The following GALNT13 variants were observed in gnomAD, a reference collection of about 807,000 sequenced individuals.
GALNT13 encodes UDP-GalNAc:polypeptide N-acetylgalactosaminyltransferase 13.
A neutral mutation model predicts 64.2 loss-of-function variants in GALNT13; 28 were observed. That is an observed-to-expected ratio of 0.44 (90% CI 0.32 to 0.60). The LOEUF is 0.60. Ranked by LOEUF, GALNT13 falls within the 20% of genes least tolerant of loss-of-function variation. The pLI is 0.05. For missense variants in GALNT13, 577 were observed against 669.8 expected, an observed-to-expected ratio of 0.86 and a Z score of 1.53; for synonymous variants, 214 against 224.6, an observed-to-expected ratio of 0.95 and a Z score of 0.42.
the GALNT13 span, among the ~76,000 whole-genome samples, chr2:153,356,789 C>CTTTTTTTTTTTTTTT: frequency 1.9e-5 from 2 of 104,904 alleles, 1 homozygote; most frequent in Non-Finnish European, 3.7e-5. Context: ...TCTTCTTCCT[C>CTTTTTTTTTTTTTTT]TTTTTTTTTT....
intron 4 of GALNT13, among the ~76,000 whole-genome samples, chr2:154,194,591 C>T (rs897123096): frequency 7.2e-5 from 11 of 152,096 alleles, no homozygotes; most frequent in African/African-American, 2.7e-4. Flanking sequence ...CCAGTATTTC[C>T]ACTGCCCCTT....
chr2:153,913,707 G>T (rs1425608996), intron 2 of GALNT13, among the ~76,000 whole-genome samples: 1 of 152,168 alleles, frequency 6.6e-6, no homozygotes, highest in African/African-American at 2.4e-5. Context: ...TTCTGCAGGA[G>T]TTCTTCGGGG....
the GALNT13 span, among the ~76,000 whole-genome samples, chr2:153,126,317 TA>T: frequency 1.6e-3 from 180 of 109,732 alleles, 3 homozygotes; most frequent in Middle Eastern, 0.012. Flanking sequence ...TATATATATA[TA>T]TATATATATA....
the GALNT13 span, among the ~76,000 whole-genome samples, chr2:153,485,233 G>A: frequency 6.6e-5 from 10 of 151,950 alleles, no homozygotes; most frequent in East Asian, 3.9e-4. Flanking sequence ...TAACCTTTTC[G>A]TAAGACATAT....
chr2:153,743,327 T>C, the GALNT13 span, among the ~76,000 whole-genome samples: 1 of 152,118 alleles, frequency 6.6e-6, no homozygotes, highest in East Asian at 1.9e-4. Flanking sequence ...TTTGATAACT[T>C]GGTTGTTGTG....
the GALNT13 span, among the ~76,000 whole-genome samples, chr2:153,433,783 A>T: frequency 6.6e-6 from 1 of 152,126 alleles, no homozygotes; most frequent in African/African-American, 2.4e-5. Context: ...ATATTTGAAA[A>T]AATTAGAAAT....
At chr2:153,194,884 C>G in the GALNT13 span, among the ~76,000 whole-genome samples, 1 of 152,170 alleles carries the variant, frequency 6.6e-6, no homozygotes, top group African/African-American at 2.4e-5. Context: ...GTGGCTTTAG[C>G]TGCACTTGTT....
chr2:154,434,529 G>A (rs1359562173), intron 11 of GALNT13, among the ~76,000 whole-genome samples: 3 of 152,128 alleles, frequency 2.0e-5, no homozygotes, highest in African/African-American at 7.2e-5. Flanking sequence ...AAACTGCTGG[G>A]ATTAAGGCAT....
At chr2:154,036,283 G>A (rs137874898) in intron 3 of GALNT13, among the ~76,000 whole-genome samples, 1 of 152,128 alleles carries the variant, frequency 6.6e-6, no homozygotes, top group Admixed American at 6.6e-5. Context: ...TGGCAACATT[G>A]ATCCCATGAT....
At chr2:154,233,107 G>C (rs908943854) in intron 4 of GALNT13, among the ~76,000 whole-genome samples, 2 of 151,286 alleles carry the variant, frequency 1.3e-5, no homozygotes, top group Non-Finnish European at 2.9e-5. Context: ...ATATTGTAAG[G>C]ATTATCTTTT....
chr2:153,292,988 C>T, the GALNT13 span, among the ~76,000 whole-genome samples: 1 of 152,054 alleles, frequency 6.6e-6, no homozygotes, highest in African/African-American at 2.4e-5. Flanking sequence ...CACTGTATAT[C>T]TTTTTTGTTA....
chr2:154,193,172 T>C (rs1686691385), intron 4 of GALNT13, among the ~76,000 whole-genome samples: 1 of 152,214 alleles, frequency 6.6e-6, no homozygotes, highest in African/African-American at 2.4e-5. Context: ...TTCTGAACAA[T>C]TACAACAAAT....
At chr2:153,444,357 G>A in the GALNT13 span, among the ~76,000 whole-genome samples, 1 of 152,186 alleles carries the variant, frequency 6.6e-6, no homozygotes, top group Non-Finnish European at 1.5e-5. Context: ...TTTTTTGAGT[G>A]AGTGAATGAA....
chr2:154,184,891 A>G (rs551923919), intron 4 of GALNT13, among the ~76,000 whole-genome samples: 1 of 152,142 alleles, frequency 6.6e-6, no homozygotes, highest in South Asian at 2.1e-4. Context: ...AGTGATTTAT[A>G]TACCACCATT....
the GALNT13 span, among the ~76,000 whole-genome samples, chr2:153,301,905 G>C: frequency 6.6e-6 from 1 of 151,598 alleles, no homozygotes. Flanking sequence ...GTGTGTGTGT[G>C]TGTGTGTATA....
At chr2:154,336,997 A>G (rs1286047418) in intron 9 of GALNT13, among the ~76,000 whole-genome samples, 3 of 152,048 alleles carry the variant, frequency 2.0e-5, no homozygotes, top group African/African-American at 7.2e-5. Context: ...ACCATCTCCA[A>G]TTATTAATAT....
intron 3 of GALNT13, among the ~76,000 whole-genome samples, chr2:154,020,051 A>G (rs1417119850): frequency 1.3e-5 from 2 of 152,250 alleles, no homozygotes; most frequent in East Asian, 1.9e-4. Flanking sequence ...TTATGGCTGC[A>G]TAGTATTCCA....
chr2:153,659,399 G>A, the GALNT13 span, among the ~76,000 whole-genome samples: 1 of 152,036 alleles, frequency 6.6e-6, no homozygotes, highest in Non-Finnish European at 1.5e-5. Context: ...AGATGCTACA[G>A]ATAACACAAA....
intron 3 of GALNT13, among the ~76,000 whole-genome samples, chr2:154,136,735 CTA>C (rs1400267698): frequency 6.6e-6 from 1 of 152,006 alleles, no homozygotes; most frequent in Non-Finnish European, 1.5e-5. Context: ...TTGAGTCAAA[CTA>C]ATTATTTTTT....
Sources: gnomAD v4.1 joint callset for allele counts (sites outside exome capture counted in the v4.1 genomes callset) on GRCh38, gnomAD v4.1.1 for gene constraint, MANE v1.5 for transcripts, NCBI Gene and HGNC (gene_info 2026-07-23, HGNC 2026-07-21) for gene names.